Variants in SYNE1 observed in about 807,000 individuals in gnomAD.
SYNE1 encodes the protein spectrin repeat containing nuclear envelope protein 1, also known as nesprin-1.
SYNE1 carries 616 observed loss-of-function variants against 1,111.0 expected under a neutral mutation model. That is an observed-to-expected ratio of 0.55 (90% CI 0.52 to 0.59). The LOEUF (loss-of-function observed/expected upper bound fraction) is 0.59, where lower values mean the gene tolerates loss of function less well. Ranked by LOEUF, SYNE1 falls within the 20% of genes least tolerant of loss-of-function variation. The pLI, the probability that SYNE1 is intolerant of heterozygous loss-of-function variation, is 0.00. For missense variants in SYNE1, 10,006 were observed against 10,417.0 expected (o/e 0.96, Z 1.72); for synonymous variants, 3,855 against 3,825.8 (o/e 1.01, Z -0.28).
At chr6:152,188,971 AAAAAAAAAAAAAAATATATATAT>A (rs1488295893) in intron 128 of SYNE1, among the ~76,000 whole-genome samples, 15 of 58,988 alleles carry the variant, frequency 2.5e-4, no homozygotes, top group African/African-American at 1.2e-3. Flanking sequence ...AAAAAAAAAA[AAAAAAAAAAAAAAATATATATAT>A]ATATATATAT....
chr6:152,304,023 AGTC>A (rs1223445951), intron 91 of SYNE1, among the ~76,000 whole-genome samples: 2 of 150,336 alleles, frequency 1.3e-5, no homozygotes, highest in African/African-American at 4.8e-5. Context: ...GCAGGCAGTC[AGTC>A]TTCTTGACTC....
intron 119 of SYNE1, among the ~76,000 whole-genome samples, chr6:152,220,273 A>T (rs2079836679): frequency 6.6e-6 from 1 of 152,240 alleles, no homozygotes; most frequent in Non-Finnish European, 1.5e-5. Flanking sequence ...AAGGACAAAT[A>T]GTAAGAGCCA....
At chr6:152,565,077 C>T (rs952508779) in intron 3 of SYNE1, among the ~76,000 whole-genome samples, 11 of 152,110 alleles carry the variant, frequency 7.2e-5, no homozygotes, top group African/African-American at 2.7e-4. Context: ...TAGAACAGAC[C>T]ATTGCTTTCT....
intron 82 of SYNE1, among the ~76,000 whole-genome samples, 198 bp downstream of exon 82, chr6:152,323,280 T>C (rs1468867985): frequency 6.6e-6 from 1 of 151,864 alleles, no homozygotes; most frequent in Non-Finnish European, 1.5e-5. Flanking sequence ...CTACTAAAAA[T>C]ACAAAAAATT....
chr6:152,233,190 C>G (rs2083186300), intron 112 of SYNE1, among the ~76,000 whole-genome samples: 1 of 152,214 alleles, frequency 6.6e-6, no homozygotes, highest in Non-Finnish European at 1.5e-5. Context: ...GTGTATGTAA[C>G]TGTCCACATT....
Position 152,192,353 on chromosome 6 carries a change from T to A in SYNE1, c.23146-2946A>T, listed in dbSNP as rs576119347. 3.0e-3 allele frequency among the ~76,000 whole-genome samples: 452 copies of A among 151,122 alleles called. 3 individuals carry two copies. Among genetic ancestry groups the A allele is most frequent in the African/African-American group, 0.011 (433 of 41,112 alleles). ...ATGCTAAAAGTGGGGTGTTGAAGAC[T>A]GCAGCTATTATTGTATTTGGGTCTA... On this transcript the variant is annotated intron_variant, in intron 127 of 145. Transcript: ENST00000367255.
chr6:152,491,443 C>G (rs909596466), intron 11 of SYNE1, among the ~76,000 whole-genome samples: 6 of 152,084 alleles, frequency 3.9e-5, no homozygotes, highest in Non-Finnish European at 1.5e-5. Context: ...TATGGGCAAG[C>G]TTCCACCCTC....
chr6:152,289,821 T>C (rs1589404634), intron 95 of SYNE1, among the ~76,000 whole-genome samples: 1 of 152,000 alleles, frequency 6.6e-6, no homozygotes, highest in South Asian at 2.1e-4. Context: ...AGAGACGGGG[T>C]TTCACCATGT....
intron 4 of SYNE1, among the ~76,000 whole-genome samples, chr6:152,531,370 A>G (rs1250636449): frequency 6.6e-6 from 1 of 152,228 alleles, no homozygotes; most frequent in Admixed American, 6.5e-5. Flanking sequence ...ATTGGTGGGT[A>G]GAGGACATGA....
chr6:152,214,945 T>C lies in SYNE1; in HGVS notation c.22307A>G (p.His7436Arg), dbSNP rs558199276. ...EIKRMQNLNR[H>R]WSLISSQTTE... ...AGTCTGAGAGGAGATCAGAGACCAA[T>C]GGCGGTTCAGATTCTGCATTCTTTT... The change falls in exon 122 of 146, where the codon CAT (histidine) becomes CGT (arginine). Residue 7436 changes from histidine to arginine, a missense_variant. Around this residue, in one of 7 missense-constraint regions of SYNE1, gnomAD observed 2,182 missense variants for 2,287.8 expected, o/e 0.95. Coordinates refer to ENST00000367255, the MANE Select transcript of SYNE1 (RefSeq NM_182961.4). The C allele has an allele frequency of 3.1e-6, 5 of 1,614,172 alleles. No individual in the cohort carries two copies. The highest frequency in any genetic ancestry group is 1.7e-4 in the Middle Eastern group (1 of 6,060).
intron 98 of SYNE1, among the ~76,000 whole-genome samples, chr6:152,273,610 T>C (rs1201730483): frequency 6.6e-6 from 1 of 152,216 alleles, no homozygotes; most frequent in African/African-American, 2.4e-5. Context: ...ATGCTTTCTT[T>C]GGCACACAAA....
chr6:152,220,707 C>T, intron 119 of SYNE1, 135 bp downstream of exon 119: 1 of 814,974 alleles, frequency 1.2e-6, no homozygotes, highest in Admixed American at 1.9e-5. Flanking sequence ...CAGGCAGGCT[C>T]TTTGATCCTA....
chr6:152,364,890 C>T lies in SYNE1; in HGVS notation c.10102G>A (p.Asp3368Asn), dbSNP rs1377917241. 1 of 1,614,210 alleles carries T rather than the reference C, an allele frequency of 6.2e-7. No individual in the cohort carries two copies. Among genetic ancestry groups the T allele is most frequent in the Non-Finnish European group, 8.5e-7 (1 of 1,180,038 alleles). Reference sequence around the variant, plus strand: ...GCAGACAAAAGGGATGCCCACATATCCTTCACACTCTGCAGCTGCTGCTGA... The same window carrying T: ...GCAGACAAAAGGGATGCCCACATATTCTTCACACTCTGCAGCTGCTGCTGA... ...TIQQQLQSVK[D>N]MWASLLSAGI... The change falls in exon 63 of 146, where the codon GAT becomes AAT. Residue 3368 changes from aspartate to asparagine, a missense_variant. This residue lies in a region of SYNE1 where 4,955 missense variants were observed against 5,017.2 expected (regional missense o/e 0.99). Transcript: ENST00000367255.
chr6:152,451,195 C>T lies in SYNE1; in HGVS notation c.3038G>A (p.Gly1013Glu). ...ATGAAGCAAATGATAAGGGGCTTCT[C>T]CTTGAAGATCCTACATTCCATAGGA... The part of the protein sequence containing the change: ...KLHKQWKDLQ[G>E]EAPYHLLHLK... The change falls in exon 26 of 146, where the codon GGA becomes GAA. Residue 1013 changes from glycine (G) to glutamate (E), a missense_variant. Physicochemically the swap from Gly to Glu is moderately conservative, Grantham distance 98 (BLOSUM62 -2). Around this residue, in one of 7 missense-constraint regions of SYNE1, gnomAD observed 1,971 missense variants for 2,084.1 expected, o/e 0.95. Transcript: ENST00000367255. The T allele has an allele frequency of 6.2e-7, 1 of 1,613,854 alleles. No homozygotes were observed. The highest frequency in any genetic ancestry group is 2.2e-5 in the East Asian group (1 of 44,862).
At position 152,427,756 on chromosome 6, in the gene SYNE1, A is replaced by ACC; in HGVS notation, c.5036_5037insGG (p.Ser1679ArgfsTer21). The ACC allele has an allele frequency of 6.2e-7, 1 of 1,614,120 alleles. No individual in the cohort carries two copies. Among genetic ancestry groups the ACC allele is most frequent in the South Asian group, 1.1e-5 (1 of 91,072 alleles). ...CTGCAGAAATGTCCATTTCTGGGGA[A>ACC]CTGGCTTTAGCTTCACCCCGCTCTA... is the stretch of plus-strand genomic sequence containing the variant. On this transcript the variant is annotated frameshift_variant, in exon 38 of 146. Transcript: ENST00000367255. LOFTEE classifies it high-confidence loss of function.
At chr6:152,540,060 T>C (rs1266292072) in intron 3 of SYNE1, 39 bp from the exon 4 acceptor site, 1 of 1,590,508 alleles carries the variant, frequency 6.3e-7, no homozygotes, top group Non-Finnish European at 8.6e-7. Flanking sequence ...AATGTAATAT[T>C]TCATGAAGCT....
At chr6:152,345,575 G>A (rs1239888286) in intron 73 of SYNE1, among the ~76,000 whole-genome samples, 4 of 100,476 alleles carry the variant, frequency 4.0e-5, no homozygotes, top group Admixed American at 2.1e-4. Context: ...CTTTGAAGGT[G>A]AATTTTTTTT....
chr6:152,347,351 A>G (rs2096655651), intron 72 of SYNE1, 116 bp from the exon 73 acceptor site: 4 of 1,235,392 alleles, frequency 3.2e-6, no homozygotes, highest in Admixed American at 2.0e-5. Flanking sequence ...GAATCTTGCA[A>G]TTTACCTTAG....
intron 80 of SYNE1, 95 bp from the exon 81 acceptor site, chr6:152,325,397 C>A: frequency 8.3e-7 from 1 of 1,198,628 alleles, no homozygotes; most frequent in Non-Finnish European, 1.2e-6. Context: ...CCCAAAATTC[C>A]TGCAAAAGGA....
Sources: allele counts gnomAD v4.1 joint callset (sites outside exome capture counted in the v4.1 genomes callset), GRCh38; gene constraint gnomAD v4.1.1; regional missense constraint gnomAD v4.1.1; transcripts MANE v1.5; gene names NCBI Gene and HGNC (gene_info 2026-07-23, HGNC 2026-07-21).